Variants in SCPEP1 observed in about 807,000 individuals in gnomAD.
SCPEP1 encodes serine carboxypeptidase 1.
SCPEP1 carries 51 observed loss-of-function variants against 63.8 expected under a neutral mutation model. The ratio of observed to expected loss-of-function variants is 0.80; its 90% CI spans 0.64 to 1.01. The LOEUF (loss-of-function observed/expected upper bound fraction) is 1.01, where lower values mean the gene tolerates loss of function less well. SCPEP1 is among the 50% of genes least tolerant of loss of function. The pLI is 0.00. For missense variants in SCPEP1, 499 were observed against 554.9 expected, an observed-to-expected ratio of 0.90 and a Z score of 1.01; for synonymous variants, 204 against 207.8, an observed-to-expected ratio of 0.98 and a Z score of 0.16.
At chr17:56,985,494 A>T in intron 3 of SCPEP1, 27 bp downstream of exon 3, 1 of 1,582,444 alleles carries the variant, frequency 6.3e-7, no homozygotes. Flanking sequence ...CCTGAGCTAA[A>T]CCTTGCCCCG....
chr17:57,006,192 A>G lies in SCPEP1; in HGVS notation c.1316A>G (p.Asp439Gly), dbSNP rs200294758. 6.3e-5 allele frequency: 101 copies of G among 1,611,532 alleles called. No homozygotes were observed. Among genetic ancestry groups the G allele is most frequent in the Admixed American group, 4.4e-4 (26 of 59,608 alleles). Residue 439 changes from aspartate to glycine, a missense_variant, in exon 13 of 13, where the codon GAC becomes GGC. Transcript: ENST00000262288. Reference sequence around the variant, plus strand: ...TTCTAGGTTCCTTCTGACCAAGGGGACATGGCTCTGAAGATGATGAGACTG... The same window carrying G: ...TTCTAGGTTCCTTCTGACCAAGGGGGCATGGCTCTGAAGATGATGAGACTG... ...AGHMVPSDQG[D>G]MALKMMRLVT...
Position 56,994,985 on chromosome 17 carries a change from G to A in SCPEP1, c.624G>A (p.Ser208=), listed in dbSNP as rs746924387. The change falls in exon 7 of 13, where the codon TCG becomes TCA. Residue 208 remains serine (S), a synonymous_variant. Coordinates refer to ENST00000262288, the MANE Select transcript of SCPEP1 (RefSeq NM_021626.3). ...LGDSWISPVD[S]VLSWGPYLYS... Reference sequence around the variant, plus strand: ...TACATATGTGATTTCCTTTAGATTCGGTGCTCTCCTGGGGACCTTACCTGT... The same window carrying A: ...TACATATGTGATTTCCTTTAGATTCAGTGCTCTCCTGGGGACCTTACCTGT... 1.3e-5 allele frequency: 21 copies of A among 1,612,962 alleles called. No individual in the cohort carries two copies. Among genetic ancestry groups the A allele is most frequent in the African/African-American group, 5.3e-5 (4 of 74,874 alleles).
intron 8 of SCPEP1, chr17:56,995,863 G>C: frequency 4.5e-6 from 1 of 224,444 alleles, no homozygotes; most frequent in African/African-American, 2.5e-5. Flanking sequence ...TTCACTAAAT[G>C]TATGGATTCT....
At chr17:56,988,394 C>T (rs768269292) in intron 5 of SCPEP1, 104 bp downstream of exon 5, 4 of 784,532 alleles carry the variant, frequency 5.1e-6, no homozygotes, top group Non-Finnish European at 8.2e-6. Context: ...GGGCCATGTA[C>T]ATGCAGAGTA....
intron 7 of SCPEP1, 77 bp from the exon 8 acceptor site, chr17:56,995,430 C>A: frequency 1.3e-6 from 2 of 1,495,596 alleles, no homozygotes; most frequent in Non-Finnish European, 1.8e-6. Context: ...CTTTCTCCTA[C>A]CCCTCCCTAA....
rs1436141986 is a variant in SCPEP1, at chr17:56,994,969, G to A, written c.620-12G>A. On this transcript the variant is annotated splice_polypyrimidine_tract_variant and intron_variant, in intron 6 of 12. Coordinates refer to ENST00000262288, the MANE Select transcript of SCPEP1 (RefSeq NM_021626.3). Reference sequence around the variant, plus strand: ...TGACATACTTGATTTGTACATATGTGATTTCCTTTAGATTCGGTGCTCTCC... The same window carrying A: ...TGACATACTTGATTTGTACATATGTAATTTCCTTTAGATTCGGTGCTCTCC... The A allele has an allele frequency of 3.1e-6, 5 of 1,610,438 alleles. No individual in the cohort carries two copies. Among genetic ancestry groups the A allele is most frequent in the Non-Finnish European group, 4.2e-6 (5 of 1,176,850 alleles).
chr17:56,986,369 G>A (rs528572467), intron 3 of SCPEP1, among the ~76,000 whole-genome samples: 2 of 151,922 alleles, frequency 1.3e-5, no homozygotes, highest in Admixed American at 6.6e-5. Flanking sequence ...ATAGGCATGC[G>A]CCAGCACGCC....
chr17:56,995,702 TGGTG>T, intron 8 of SCPEP1, 67 bp downstream of exon 8: 2 of 1,535,054 alleles, frequency 1.3e-6, no homozygotes, highest in Non-Finnish European at 1.8e-6. Context: ...GGCCCATGGT[TGGTG>T]TTGTCAAACT....
At chr17:57,001,072 C>A in intron 11 of SCPEP1, 80 bp downstream of exon 11, 2 of 1,457,142 alleles carry the variant, frequency 1.4e-6, no homozygotes, top group South Asian at 1.2e-5. Context: ...ACATGTCAGT[C>A]TTGCGGTGGG....
At chr17:56,998,755 A>G (rs1025658914) in intron 10 of SCPEP1, among the ~76,000 whole-genome samples, 1 of 152,134 alleles carries the variant, frequency 6.6e-6, no homozygotes, top group African/African-American at 2.4e-5. Flanking sequence ...GCTTGAGGCC[A>G]CAATTAAGCA....
intron 6 of SCPEP1, among the ~76,000 whole-genome samples, chr17:56,994,576 A>G (rs1370296164): frequency 1.3e-5 from 2 of 152,184 alleles, no homozygotes; most frequent in Non-Finnish European, 2.9e-5. Flanking sequence ...AAACTGGAGG[A>G]GCAAATAAGA....
At chr17:57,000,778 A>G (rs1297782662) in intron 10 of SCPEP1, 77 bp from the exon 11 acceptor site, 4 of 1,527,572 alleles carry the variant, frequency 2.6e-6, no homozygotes, top group African/African-American at 2.7e-5. Flanking sequence ...CTGGAGCCCA[A>G]GATGCTCTGG....
At chr17:57,005,452 CAT>C (rs1357886834) in intron 12 of SCPEP1, among the ~76,000 whole-genome samples, 1 of 152,138 alleles carries the variant, frequency 6.6e-6, no homozygotes, top group African/African-American at 2.4e-5. Context: ...GATTAAATGA[CAT>C]TTTAGGATAA....
chr17:56,992,858 C>T (rs1911441520), intron 6 of SCPEP1, among the ~76,000 whole-genome samples: 1 of 152,190 alleles, frequency 6.6e-6, no homozygotes, highest in Non-Finnish European at 1.5e-5. Flanking sequence ...CGTTTCGCTT[C>T]CTGGCTTTGC....
At chr17:56,983,291 C>G (rs1005200207) in intron 2 of SCPEP1, 1 of 152,214 alleles carries the variant, frequency 6.6e-6, no homozygotes, top group African/African-American at 2.4e-5. Context: ...CCCTGGCATA[C>G]CAGAAGCAGA....
intron 2 of SCPEP1, chr17:56,985,027 C>T (rs1361783978): frequency 7.5e-6 from 2 of 265,618 alleles, no homozygotes; most frequent in Non-Finnish European, 1.5e-5. Flanking sequence ...ATCACTTGAA[C>T]CCCAGAGGTA....
At chr17:56,990,276 A>G (rs1196947495) in intron 5 of SCPEP1, among the ~76,000 whole-genome samples, 1 of 152,270 alleles carries the variant, frequency 6.6e-6, no homozygotes, top group Non-Finnish European at 1.5e-5. Context: ...CAAATGAGAC[A>G]AAGTAAAAGA....
At chr17:56,996,419 G>T (rs1233184704) in intron 8 of SCPEP1, among the ~76,000 whole-genome samples, 1 of 152,080 alleles carries the variant, frequency 6.6e-6, no homozygotes, top group Non-Finnish European at 1.5e-5. Context: ...TGCCCAGGCT[G>T]GTCTTGAACT....
intron 6 of SCPEP1, among the ~76,000 whole-genome samples, chr17:56,994,569 C>CTGG (rs2144495685): frequency 6.6e-6 from 1 of 152,310 alleles, no homozygotes; most frequent in South Asian, 2.1e-4. Context: ...TATCTCCAAA[C>CTGG]TGGAGGAGCA....
Sources: allele counts gnomAD v4.1 joint callset (sites outside exome capture counted in the v4.1 genomes callset), GRCh38; gene constraint gnomAD v4.1.1; transcripts MANE v1.5; gene names NCBI Gene and HGNC (gene_info 2026-07-23, HGNC 2026-07-21).